The following EPC2 variants were observed in gnomAD, a reference collection of about 807,000 sequenced individuals.
The protein encoded by EPC2 is enhancer of polycomb 2.
A neutral mutation model predicts 92.1 loss-of-function variants in EPC2; 14 were observed. The observed-to-expected ratio is 0.15, with a 90% CI of 0.10 to 0.24. The LOEUF is 0.24. EPC2 is among the 10% of genes least tolerant of loss of function. The pLI, the probability that EPC2 is intolerant of heterozygous loss-of-function variation, is 1.00. For synonymous variants in EPC2, 340 were observed against 334.7 expected (o/e 1.02, Z -0.17); for missense variants, 755 against 971.5 (o/e 0.78, Z 2.96).
At chr2:148,691,242 G>T (rs1357754004) in intron 2 of EPC2, among the ~76,000 whole-genome samples, 1 of 152,134 alleles carries the variant, frequency 6.6e-6, no homozygotes, top group African/African-American at 2.4e-5. Flanking sequence ...AACTTCTAGA[G>T]TAGGATTTTT....
At chr2:148,672,232 A>G (rs903711400) in intron 1 of EPC2, among the ~76,000 whole-genome samples, 7 of 152,156 alleles carry the variant, frequency 4.6e-5, no homozygotes, top group African/African-American at 7.2e-5. Flanking sequence ...GTTTTTGACT[A>G]AAGTCTCTTT....
chr2:148,724,702 TAGTAACTGAC>T (rs1259310877), intron 2 of EPC2, among the ~76,000 whole-genome samples: 1 of 152,158 alleles, frequency 6.6e-6, no homozygotes, highest in Non-Finnish European at 1.5e-5. Flanking sequence ...ATTTTTTGTA[TAGTAACTGAC>T]AGTATTTGGC....
In EPC2 at chr2:148,770,800, G is replaced by T; in HGVS notation, c.1239G>T (p.Leu413Phe). Reference sequence around the variant, plus strand: ...TTTTTCTTTCTTTGCAGCCTCGTTTGGACCAAGCTAACCATTCATGTGAAA... The same window carrying T: ...TTTTTCTTTCTTTGCAGCCTCGTTTTGACCAAGCTAACCATTCATGTGAAA... ...RAGCQYYAPR[L>F]DQANHSCENS... Residue 413 changes from leucine (L) to phenylalanine (F), a missense_variant, in exon 9 of 14, where the codon TTG becomes TTT. Leu to Phe is a conservative substitution (Grantham distance 22). This residue lies in a region of EPC2 where 509 missense variants were observed against 607.7 expected (regional missense o/e 0.84). Transcript: ENST00000258484. 1 of 1,607,208 alleles carries T rather than the reference G, an allele frequency of 6.2e-7. No individual in the cohort carries two copies. The highest frequency in any genetic ancestry group is 8.5e-7 in the Non-Finnish European group (1 of 1,178,256).
At chr2:148,765,223 T>G (rs1683386670) in intron 7 of EPC2, 77 bp downstream of exon 7, 1 of 1,061,636 alleles carries the variant, frequency 9.4e-7, no homozygotes, top group Non-Finnish European at 1.3e-6. Flanking sequence ...AATTGCTATC[T>G]TAGAGTTTTT....
chr2:148,749,016 A>G (rs1424644942), intron 3 of EPC2, among the ~76,000 whole-genome samples: 1 of 152,156 alleles, frequency 6.6e-6, no homozygotes, highest in Non-Finnish European at 1.5e-5. Flanking sequence ...TGAAATCTGA[A>G]CCACCTGATT....
intron 10 of EPC2, among the ~76,000 whole-genome samples, chr2:148,776,624 T>TA (rs1683649819): frequency 6.6e-6 from 1 of 152,200 alleles, no homozygotes; most frequent in Admixed American, 6.5e-5. Flanking sequence ...GGATTTGATG[T>TA]AAGATCCCTC....
intron 10 of EPC2, among the ~76,000 whole-genome samples, chr2:148,775,005 C>G (rs566193284): frequency 6.6e-6 from 1 of 150,654 alleles, no homozygotes; most frequent in Admixed American, 6.6e-5. Flanking sequence ...AGGAGAATGG[C>G]GTGAACCCGG....
intron 1 of EPC2, among the ~76,000 whole-genome samples, chr2:148,651,037 A>G (rs1680672724): frequency 6.6e-6 from 1 of 152,230 alleles, no homozygotes; most frequent in Non-Finnish European, 1.5e-5. Context: ...ACAACCTGAC[A>G]GACATCAAAA....
chr2:148,748,276 A>G (rs1039376738), intron 3 of EPC2, among the ~76,000 whole-genome samples: 4 of 152,180 alleles, frequency 2.6e-5, no homozygotes, highest in Non-Finnish European at 5.9e-5. Context: ...CTCCCCAGCC[A>G]TGCTACCTGT....
At chr2:148,776,426 A>AC (rs970779206) in intron 10 of EPC2, among the ~76,000 whole-genome samples, 2 of 150,984 alleles carry the variant, frequency 1.3e-5, no homozygotes, top group African/African-American at 4.9e-5. Context: ...TCATTCCCCA[A>AC]CCCCCCTTAT....
chr2:148,751,763 A>G (rs79471272), intron 3 of EPC2, among the ~76,000 whole-genome samples: 5,250 of 152,236 alleles, frequency 0.034, 301 homozygotes, highest in African/African-American at 0.12. Flanking sequence ...TCCCCACTCA[A>G]ATTGATGCTA....
At position 148,778,251 on chromosome 2, in the gene EPC2, C is replaced by T. The variant is rs142044345; in HGVS notation, c.1721-3393C>T. On this transcript the variant is annotated intron_variant, in intron 10 of 13. Coordinates refer to ENST00000258484, the MANE Select transcript of EPC2 (RefSeq NM_015630.4). ...ACTAGTGAAAAGAACTTGGCTTGGC[C>T]CTAAGCAAGAGAAGCAGAGAATCTC... 6.3e-3 allele frequency among the ~76,000 whole-genome samples: 964 copies of T among 152,196 alleles called. 9 individuals are homozygous for T. The highest frequency in any genetic ancestry group is 0.022 in the African/African-American group (919 of 41,494).
intron 2 of EPC2, among the ~76,000 whole-genome samples, chr2:148,731,174 T>C (rs1358437431): frequency 6.6e-6 from 1 of 152,194 alleles, no homozygotes; most frequent in Non-Finnish European, 1.5e-5. Context: ...TGGTTGTTAC[T>C]GGATTCATTG....
intron 1 of EPC2, among the ~76,000 whole-genome samples, chr2:148,686,334 A>G (rs1166733735): frequency 6.6e-6 from 1 of 152,188 alleles, no homozygotes; most frequent in African/African-American, 2.4e-5. Context: ...AATATTCTGA[A>G]CAGGCTCCAC....
intron 2 of EPC2, chr2:148,691,432 T>C (rs1414520305): frequency 7.4e-7 from 1 of 1,343,270 alleles, no homozygotes; most frequent in African/African-American, 1.5e-5. Flanking sequence ...TGGTGATTTG[T>C]ATTTTTAAAG....
At chr2:148,691,680 C>T (rs1291796105) in intron 2 of EPC2, 1 of 1,464,920 alleles carries the variant, frequency 6.8e-7, no homozygotes, top group South Asian at 1.2e-5. Context: ...TTGTTTTGTT[C>T]ATTTGTTTTT....
In EPC2 at chr2:148,674,848, G is replaced by T. The variant is rs79036420; in HGVS notation, c.154-15366G>T. 1.6e-3 allele frequency among the ~76,000 whole-genome samples: 250 copies of T among 152,198 alleles called. 2 individuals carry two copies. Among genetic ancestry groups the T allele is most frequent in the African/African-American group, 5.7e-3 (237 of 41,510 alleles). ...CTCAAGGCTTTTTGGACTGTATATTGTACAGTCAGTATGTTTGTGTGGGAA... is the reference window on the plus strand; with the variant it reads ...CTCAAGGCTTTTTGGACTGTATATTTTACAGTCAGTATGTTTGTGTGGGAA... On this transcript the variant is annotated intron_variant, in intron 1 of 13. Coordinates refer to ENST00000258484, the MANE Select transcript of EPC2 (RefSeq NM_015630.4).
At chr2:148,764,159 G>A (rs1285625277) in intron 6 of EPC2, among the ~76,000 whole-genome samples, 1 of 152,072 alleles carries the variant, frequency 6.6e-6, no homozygotes, top group Non-Finnish European at 1.5e-5. Context: ...TATTTTTATT[G>A]TGTGTACTGT....
intron 1 of EPC2, among the ~76,000 whole-genome samples, chr2:148,683,021 C>T (rs1681436531): frequency 6.6e-6 from 1 of 151,916 alleles, no homozygotes; most frequent in East Asian, 1.9e-4. Context: ...TACAAGTTTT[C>T]TGAATTAACA....
Sources: allele counts gnomAD v4.1 joint callset (sites outside exome capture counted in the v4.1 genomes callset), GRCh38; gene constraint gnomAD v4.1.1; regional missense constraint gnomAD v4.1.1; transcripts MANE v1.5; gene names NCBI Gene and HGNC (gene_info 2026-07-23, HGNC 2026-07-21).